Variants in PRKDC observed in about 807,000 individuals in gnomAD.
PRKDC encodes the protein protein kinase, DNA-activated, catalytic subunit.
PRKDC carries 82 observed loss-of-function variants against 486.9 expected under a neutral mutation model. The observed-to-expected ratio is 0.17, with a 90% CI of 0.14 to 0.20. The LOEUF is 0.20. PRKDC is among the 10% of genes least tolerant of loss of function. The probability of loss-of-function intolerance (pLI) is 1.00; values close to 1 mark genes in which losing one functional copy is unlikely to be tolerated. For missense variants in PRKDC, 4,504 were observed against 5,038.2 expected, an observed-to-expected ratio of 0.89 and a Z score of 3.21; for synonymous variants, 1,895 against 1,837.0, an observed-to-expected ratio of 1.03 and a Z score of -0.81.
chr8:47,890,501 G>A, intron 31 of PRKDC, 21 bp from the exon 32 acceptor site: 1 of 1,456,688 alleles, frequency 6.9e-7, no homozygotes, highest in Non-Finnish European at 9.4e-7. Flanking sequence ...TTATATTAAA[G>A]TATTAATATA....
At chr8:47,838,131 A>G (rs1012617244) in intron 56 of PRKDC, among the ~76,000 whole-genome samples, 4 of 152,076 alleles carry the variant, frequency 2.6e-5, no homozygotes, top group Non-Finnish European at 5.9e-5. Context: ...GTGAGACTCC[A>G]TCTCAAAAAA....
chr8:47,810,717 T>G (rs969051056), intron 68 of PRKDC, among the ~76,000 whole-genome samples: 1 of 152,016 alleles, frequency 6.6e-6, no homozygotes, highest in Non-Finnish European at 1.5e-5. Flanking sequence ...CGCATCTCAG[T>G]AGAAAAAGAG....
Position 47,796,561 on chromosome 8 carries a change from TTA to T in PRKDC, c.10458+1674_10458+1675del, listed in dbSNP as rs534409683. ...ATTGCCGAAGTCAGCTTTTTGTTTC[TTA>T]TATGTGTTGCAAACGTTTTTCTTCA... On this transcript the variant is annotated intron_variant, in intron 73 of 85. Transcript: ENST00000314191. 2.0e-3 allele frequency among the ~76,000 whole-genome samples: 305 copies of T among 152,166 alleles called. 1 individual carries two copies. Among genetic ancestry groups the T allele is most frequent in the Non-Finnish European group, 3.3e-3 (226 of 68,012 alleles).
chr8:47,862,932 A>G (rs1349112230), intron 42 of PRKDC, among the ~76,000 whole-genome samples: 2 of 152,228 alleles, frequency 1.3e-5, no homozygotes, highest in Non-Finnish European at 2.9e-5. Flanking sequence ...TGATACGGCA[A>G]AAGTCTGTGT....
At chr8:47,855,528 G>C (rs1325317907) in intron 49 of PRKDC, among the ~76,000 whole-genome samples, 155 bp from the exon 50 acceptor site, 1 of 152,206 alleles carries the variant, frequency 6.6e-6, no homozygotes, top group African/African-American at 2.4e-5. Context: ...TAACAACAAA[G>C]GCTGACCTGG....
chr8:47,789,220 A>T lies in PRKDC; in HGVS notation c.10689T>A (p.Asp3563Glu), dbSNP rs2086843630. 1 of 1,591,398 alleles carries T rather than the reference A, an allele frequency of 6.3e-7. No homozygotes were observed. The change falls in exon 75 of 86, where the codon GAT (aspartate) becomes GAA (glutamate). Residue 3563 changes from aspartate to glutamate, a missense_variant. This residue lies in a region of PRKDC where 706 missense variants were observed against 945.0 expected (regional missense o/e 0.75). Coordinates refer to ENST00000314191, the MANE Select transcript of PRKDC (RefSeq NM_006904.7). ...EFVARIKSKLDQGGVIQDFIN... is the reference protein window; with the variant it reads ...EFVARIKSKLEQGGVIQDFIN... ...TAAAATCTTGAATCACTCCTCCTTG[A>T]TCCAACTTACTTTTAATCCTATTTA...
chr8:47,778,308 GT>G, intron 83 of PRKDC, 150 bp downstream of exon 83: 1 of 822,598 alleles, frequency 1.2e-6, no homozygotes. Flanking sequence ...GCTGAACTAA[GT>G]GATTATCCCT....
At chr8:47,853,784 A>T (rs961647330) in intron 51 of PRKDC, among the ~76,000 whole-genome samples, 18 of 152,224 alleles carry the variant, frequency 1.2e-4, no homozygotes, top group African/African-American at 2.4e-5. Flanking sequence ...ATTTGCCCCA[A>T]ACATTTCTTC....
chr8:47,817,739 C>G (rs1253102482), intron 67 of PRKDC, among the ~76,000 whole-genome samples, 178 bp from the exon 68 acceptor site: 1 of 152,184 alleles, frequency 6.6e-6, no homozygotes, highest in Non-Finnish European at 1.5e-5. Flanking sequence ...GACATTTAAA[C>G]TCAATTGCTT....
At chr8:47,776,473 T>C (rs1204787492) in intron 85 of PRKDC, among the ~76,000 whole-genome samples, 1 of 152,174 alleles carries the variant, frequency 6.6e-6, no homozygotes, top group African/African-American at 2.4e-5. Flanking sequence ...CATACCTAGG[T>C]ACTATATTCA....
intron 34 of PRKDC, 60 bp downstream of exon 34, chr8:47,888,458 A>G: frequency 7.3e-7 from 1 of 1,375,866 alleles, no homozygotes; most frequent in Non-Finnish European, 9.6e-7. Flanking sequence ...TAATATAAAT[A>G]AATACACTAA....
chr8:47,807,224 C>T lies in PRKDC; in HGVS notation c.9660G>A (p.Val3220=), dbSNP rs753403532. 2 of 1,613,900 alleles carry T rather than the reference C, an allele frequency of 1.2e-6. No homozygotes were observed. The highest frequency in any genetic ancestry group is 2.2e-5 in the South Asian group (2 of 91,058). The change falls in exon 69 of 86, where the codon GTG becomes GTA. Residue 3220 remains valine, a synonymous_variant. Transcript: ENST00000314191. ...QDGDPSDRME[V]QEQEEDISSL... ...AGCTGATATCTTCTTCCTGCTCTTG[C>T]ACTTCCATCCTGTCACTGGGGTCTC...
chr8:47,794,734 G>T (rs951418717), intron 73 of PRKDC, among the ~76,000 whole-genome samples: 7 of 152,328 alleles, frequency 4.6e-5, no homozygotes, highest in African/African-American at 1.7e-4. Flanking sequence ...GACAGCTGCT[G>T]CTGGTTGTTC....
At chr8:47,874,519 C>T (rs1033764189) in intron 40 of PRKDC, among the ~76,000 whole-genome samples, 3 of 152,090 alleles carry the variant, frequency 2.0e-5, no homozygotes, top group African/African-American at 4.8e-5. Flanking sequence ...ACACTTTGGG[C>T]GGCTGAGGCG....
chr8:47,932,929 C>A, intron 16 of PRKDC, 91 bp downstream of exon 16: 1 of 1,200,488 alleles, frequency 8.3e-7, no homozygotes, highest in Non-Finnish European at 1.1e-6. Context: ...CAGTTCTCCT[C>A]TACAAATGTG....
chr8:47,789,737 GCAAGGATAGATCAAATCAAT>G (rs2086854503), intron 74 of PRKDC, among the ~76,000 whole-genome samples: 2 of 152,164 alleles, frequency 1.3e-5, no homozygotes, highest in Non-Finnish European at 2.9e-5. Flanking sequence ...TTCTAGAGAT[GCAAGGATAGATCAAATCAAT>G]CAAGGATAGA....
Position 47,913,418 on chromosome 8 carries a change from A to G in PRKDC, c.2781+483T>C, listed in dbSNP as rs576226793. Among the ~76,000 whole-genome samples the G allele has an allele frequency of 2.6e-4, 40 of 151,658 alleles. No individual in the cohort carries two copies. The South Asian group carries it at 6.6e-3, about 25-fold the overall frequency. On this transcript the variant is annotated intron_variant, in intron 24 of 85. Coordinates refer to ENST00000314191, the MANE Select transcript of PRKDC (RefSeq NM_006904.7). Reference sequence around the variant, plus strand: ...TGAAAGGCAATTTTTTTTTTTTGAGACGGAGTCTCGCTCTGTCTCCCAGGC... The same window carrying G: ...TGAAAGGCAATTTTTTTTTTTTGAGGCGGAGTCTCGCTCTGTCTCCCAGGC...
chr8:47,955,703 G>A (rs1003074342), intron 4 of PRKDC, among the ~76,000 whole-genome samples, 171 bp downstream of exon 4: 26 of 152,094 alleles, frequency 1.7e-4, no homozygotes, highest in Non-Finnish European at 3.7e-4. Flanking sequence ...AAAACAAAAA[G>A]CCAGGGTATT....
chr8:47,880,631 A>T (rs1304855802), intron 38 of PRKDC, among the ~76,000 whole-genome samples: 1 of 152,194 alleles, frequency 6.6e-6, no homozygotes, highest in African/African-American at 2.4e-5. Context: ...ATCACCAAAA[A>T]TTTTTATATT....
Sources: allele counts gnomAD v4.1 joint callset (sites outside exome capture counted in the v4.1 genomes callset), GRCh38; gene constraint gnomAD v4.1.1; regional missense constraint gnomAD v4.1.1; transcripts MANE v1.5; gene names NCBI Gene and HGNC (gene_info 2026-07-23, HGNC 2026-07-21).